Variants in MALT1 observed in about 807,000 individuals in gnomAD.
MALT1 encodes the protein MALT1 paracaspase, also known as mucosa-associated lymphoid tissue lymphoma translocation protein 1.
In MALT1, 36 loss-of-function variants were observed where a neutral mutation model predicts 85.5. That is an observed-to-expected ratio of 0.42 (90% CI 0.32 to 0.56). MALT1 has a LOEUF of 0.56. Ranked by LOEUF, MALT1 falls within the 20% of genes least tolerant of loss-of-function variation. MALT1 has a pLI of 0.10. For missense variants in MALT1, 716 were observed against 981.6 expected (o/e 0.73, Z 3.62); for synonymous variants, 359 against 361.3 (o/e 0.99, Z 0.07).
In MALT1 at chr18:58,751,727, G is replaced by A. The variant is rs534835201; in HGVS notation, c.*3885G>A. The stretch of plus-strand genomic sequence containing the variant: ...AGAATGTAATAAAGAAATTAGGATA[G>A]TGGAGGTTTGAGCAAGTAAAGGCTC... On this transcript the variant is annotated 3_prime_UTR_variant, in exon 17 of 17. Transcript: ENST00000649217. The A allele has an allele frequency of 3.9e-5, 6 of 152,308 alleles. No individual in the cohort carries two copies. Among genetic ancestry groups the A allele is most frequent in the East Asian group, 1.9e-4 (1 of 5,194 alleles). The allele number at this position is 152,308 out of a possible 1,614,324, so 9.4% of individuals were successfully genotyped here.
chr18:58,711,175 CTTTT>C (rs2054826311), intron 7 of MALT1, among the ~76,000 whole-genome samples: 1 of 152,170 alleles, frequency 6.6e-6, no homozygotes, highest in Non-Finnish European at 1.5e-5. Flanking sequence ...AGTTGACTTT[CTTTT>C]AATATTACAT....
Position 58,688,536 on chromosome 18 carries a change from CAA to C in MALT1, c.376+7226_376+7227del, listed in dbSNP as rs552838701. Among the ~76,000 whole-genome samples the C allele has an allele frequency of 7.7e-3, 475 of 61,376 alleles. 1 individual carries two copies. The highest frequency in any genetic ancestry group is 0.021 in the African/African-American group (445 of 21,456). The allele number at this position is 61,376 out of a possible 152,430, so 40.3% of individuals were successfully genotyped here. A position where few individuals can be genotyped will look rare whatever the true frequency, so the allele number is the denominator to read the frequency against. On this transcript the variant is annotated intron_variant, in intron 2 of 16. Transcript: ENST00000649217. ...GCAACATAATGAGGCCCTGTTTCTA[CAA>C]AAAAAAAAAAAAAAAAAAAAAAAAA...
chr18:58,687,945 G>A (rs1281113502), intron 2 of MALT1, among the ~76,000 whole-genome samples: 1 of 152,198 alleles, frequency 6.6e-6, no homozygotes, highest in Non-Finnish European at 1.5e-5. Context: ...TAACTTCTCT[G>A]ACTTCTTTGT....
At chr18:58,703,317 A>G (rs2054700931) in intron 4 of MALT1, among the ~76,000 whole-genome samples, 1 of 152,132 alleles carries the variant, frequency 6.6e-6, no homozygotes, top group African/African-American at 2.4e-5. Context: ...AGATTGCACC[A>G]TGGCACTCCA....
intron 2 of MALT1, among the ~76,000 whole-genome samples, chr18:58,688,658 C>T (rs1369040120): frequency 6.6e-6 from 1 of 151,774 alleles, no homozygotes; most frequent in East Asian, 1.9e-4. Context: ...TAGTCACCTG[C>T]TTCTTTGTAA....
At chr18:58,729,484 C>G (rs1158535151) in intron 10 of MALT1, among the ~76,000 whole-genome samples, 1 of 107,418 alleles carries the variant, frequency 9.3e-6, no homozygotes, top group African/African-American at 3.3e-5. Flanking sequence ...AGTGAAACTC[C>G]GTCTCAAAAA....
At chr18:58,742,706 C>T (rs2055318400) in intron 14 of MALT1, among the ~76,000 whole-genome samples, 1 of 152,068 alleles carries the variant, frequency 6.6e-6, no homozygotes, top group South Asian at 2.1e-4. Flanking sequence ...GAGCGAGACT[C>T]TGTCTCGAAA....
chr18:58,750,534 C>T lies in MALT1; in HGVS notation c.*2692C>T, dbSNP rs1376299106. The stretch of plus-strand genomic sequence containing the variant: ...AAGACAGTGTAGGCATATGGATAGA[C>T]ATATCGATCAGAGGAATGGAACTGA... On this transcript the variant is annotated 3_prime_UTR_variant, in exon 17 of 17. Coordinates refer to ENST00000649217, the MANE Select transcript of MALT1 (RefSeq NM_006785.4). 1.3e-5 allele frequency: 2 copies of T among 152,208 alleles called. No homozygotes were observed. Among genetic ancestry groups the T allele is most frequent in the African/African-American group, 4.8e-5 (2 of 41,440 alleles). The allele number at this position is 152,208 out of a possible 1,614,324, so 9.4% of individuals were successfully genotyped here.
chr18:58,683,212 C>G (rs914347251), intron 2 of MALT1, among the ~76,000 whole-genome samples: 1 of 152,168 alleles, frequency 6.6e-6, no homozygotes, highest in Admixed American at 6.5e-5. Context: ...CTAGTAAAGT[C>G]TACTTTTGCT....
chr18:58,754,475 C>T lies in MALT1; in HGVS notation c.*6633C>T, dbSNP rs929981468. On this transcript the variant is annotated 3_prime_UTR_variant, in exon 17 of 17. Transcript: ENST00000649217. Reference sequence around the variant, plus strand: ...AATATTTTCCTAAGCTTTAGCTTTACCACTTCCAAGTCTGTACAGACTGGT... The same window carrying T: ...AATATTTTCCTAAGCTTTAGCTTTATCACTTCCAAGTCTGTACAGACTGGT... The T allele has an allele frequency of 6.6e-6, 1 of 152,184 alleles. No individual in the cohort carries two copies. The highest frequency in any genetic ancestry group is 2.4e-5 in the African/African-American group (1 of 41,430). The allele number at this position is 152,184 out of a possible 1,614,324, so 9.4% of individuals were successfully genotyped here.
At chr18:58,736,536 T>C (rs2055223957) in intron 13 of MALT1, among the ~76,000 whole-genome samples, 1 of 152,240 alleles carries the variant, frequency 6.6e-6, no homozygotes, top group Admixed American at 6.5e-5. Context: ...CTACAGTGTT[T>C]TATTTCAATT....
chr18:58,715,943 G>A lies in MALT1; in HGVS notation c.994G>A (p.Glu332Lys). 6.2e-7 allele frequency: 1 copy of A among 1,603,868 alleles called. No individual in the cohort carries two copies. Among genetic ancestry groups the A allele is most frequent in the Non-Finnish European group, 8.5e-7 (1 of 1,175,166 alleles). The change falls in exon 9 of 17, where the codon GAG becomes AAG. Residue 332 changes from glutamate to lysine, a missense_variant. By Grantham distance (56) the Glu-to-Lys change is moderately conservative (BLOSUM62 1). Coordinates refer to ENST00000649217, the MANE Select transcript of MALT1 (RefSeq NM_006785.4). ...LNNLGHPDNK[E>K]QTTDQPLAKD... is the part of the protein sequence containing the mutation. ...TTTTTATCTTTGTATAGATAATAAA[G>A]AGCAAACAACTGACCAGCCTTTGGG... is the stretch of plus-strand genomic sequence containing the variant.
chr18:58,705,095 G>C (rs2054726982), intron 4 of MALT1, among the ~76,000 whole-genome samples: 1 of 152,064 alleles, frequency 6.6e-6, no homozygotes. Flanking sequence ...GACTTTAGCT[G>C]TGTCTTAGTG....
At position 58,753,303 on chromosome 18, in the gene MALT1, CG is replaced by C. The variant is rs1265490852; in HGVS notation, c.*5462del. 6.6e-6 allele frequency: 1 copy of C among 152,224 alleles called. No homozygotes were observed. Among genetic ancestry groups the C allele is most frequent in the African/African-American group, 2.4e-5 (1 of 41,434 alleles). The allele number at this position is 152,224 out of a possible 1,614,324, so 9.4% of individuals were successfully genotyped here. A position where few individuals can be genotyped will look rare whatever the true frequency, so the allele number is the denominator to read the frequency against. On this transcript the variant is annotated 3_prime_UTR_variant, in exon 17 of 17. Coordinates refer to ENST00000649217, the MANE Select transcript of MALT1 (RefSeq NM_006785.4). The stretch of plus-strand genomic sequence containing the variant: ...CCGCCTCCCAGGTTCAAGCGATTCT[CG>C]TGCCTCAGCCCCCCGCATAGCTGGC...
At chr18:58,691,703 C>T (rs1386213985) in intron 2 of MALT1, 2 of 154,352 alleles carry the variant, frequency 1.3e-5, no homozygotes, top group African/African-American at 4.8e-5. Flanking sequence ...CCCGTCTTTA[C>T]TAAAAATACA....
Position 58,751,967 on chromosome 18 carries a change from A to T in MALT1, c.*4125A>T, listed in dbSNP as rs1336882120. 6.6e-6 allele frequency: 1 copy of T among 152,254 alleles called. No homozygotes were observed. The highest frequency in any genetic ancestry group is 1.5e-5 in the Non-Finnish European group (1 of 68,038). The allele number at this position is 152,254 out of a possible 1,614,324, so 9.4% of individuals were successfully genotyped here. On this transcript the variant is annotated 3_prime_UTR_variant, in exon 17 of 17. Coordinates refer to ENST00000649217, the MANE Select transcript of MALT1 (RefSeq NM_006785.4). The stretch of plus-strand genomic sequence containing the variant: ...AAAGCCTTTAAAGAAGAATCCTGGC[A>T]CAGAAAAGGTCCATTTAGACATTGC...
At chr18:58,745,391 G>C (rs997281429) in intron 15 of MALT1, among the ~76,000 whole-genome samples, 7 of 152,180 alleles carry the variant, frequency 4.6e-5, no homozygotes, top group African/African-American at 1.4e-4. Flanking sequence ...GGAAACTTGA[G>C]TAGCTCAAGA....
intron 3 of MALT1, among the ~76,000 whole-genome samples, chr18:58,697,541 A>AC (rs1263817551): frequency 2.0e-5 from 3 of 152,206 alleles, no homozygotes; most frequent in African/African-American, 7.2e-5. Context: ...GGCTCTTGAA[A>AC]GATTGCACCT....
intron 7 of MALT1, among the ~76,000 whole-genome samples, chr18:58,713,102 CA>C (rs556340203): frequency 3.3e-5 from 5 of 150,984 alleles, no homozygotes; most frequent in African/African-American, 1.2e-4. Flanking sequence ...ATACTGAAGG[CA>C]AAAAAAATTG....
Sources: allele counts gnomAD v4.1 joint callset (sites outside exome capture counted in the v4.1 genomes callset), GRCh38; gene constraint gnomAD v4.1.1; transcripts MANE v1.5; gene names NCBI Gene and HGNC (gene_info 2026-07-23, HGNC 2026-07-21).